Variants in TAX1BP1 observed in about 807,000 individuals in gnomAD.
TAX1BP1 encodes the protein tax1-binding protein 1.
In TAX1BP1, 62 loss-of-function variants were observed where a neutral mutation model predicts 97.7. That is an observed-to-expected ratio of 0.63 (90% confidence interval 0.52 to 0.78). TAX1BP1 has a LOEUF of 0.78. Among genes scored for constraint, TAX1BP1 ranks in the 30% least tolerant of loss-of-function variants. TAX1BP1 has a pLI of 0.00. For missense variants in TAX1BP1, 867 were observed against 916.1 expected (o/e 0.95, Z 0.69); for synonymous variants, 340 against 304.2 (o/e 1.12, Z -1.23).
At chr7:27,798,836 G>A in intron 12 of TAX1BP1, among the ~76,000 whole-genome samples, 1 of 150,140 alleles carries the variant, frequency 6.7e-6, no homozygotes, top group South Asian at 2.1e-4. Flanking sequence ...TTATCTCTTT[G>A]TGTGAGTGGT....
At position 27,792,039 on chromosome 7, in the gene TAX1BP1, A is replaced by G. The variant is rs756684022; in HGVS notation, c.1072A>G (p.Lys358Glu). 5.6e-6 allele frequency: 9 copies of G among 1,614,004 alleles called. No individual in the cohort carries two copies. The highest frequency in any genetic ancestry group is 7.6e-6 in the Non-Finnish European group (9 of 1,180,034). ...DTCFLKEQLR[K>E]AEEQVQATRQ... ...TTGTTTTTTAAAGGAGCAACTTCGT[A>G]AAGCAGAGGAACAGGTTCAGGCAAC... is the stretch of plus-strand genomic sequence containing the variant. Residue 358 changes from lysine to glutamate, a missense_variant, in exon 9 of 17, where the codon AAA becomes GAA. Lys to Glu is a moderately conservative substitution (Grantham distance 56). Transcript: ENST00000396319.
chr7:27,802,120 T>C (rs894688179), intron 13 of TAX1BP1, among the ~76,000 whole-genome samples: 2 of 152,200 alleles, frequency 1.3e-5, no homozygotes, highest in East Asian at 3.8e-4. Flanking sequence ...TGAGTATCTA[T>C]AATGGAGTAG....
chr7:27,751,970 A>G (rs1788037604), intron 2 of TAX1BP1, among the ~76,000 whole-genome samples: 1 of 152,116 alleles, frequency 6.6e-6, no homozygotes, highest in African/African-American at 2.4e-5. Flanking sequence ...CCAGTTTTAG[A>G]AGATGAATGG....
chr7:27,746,415 GTT>G (rs34156347), intron 1 of TAX1BP1, among the ~76,000 whole-genome samples: 11 of 119,572 alleles, frequency 9.2e-5, no homozygotes, highest in African/African-American at 2.7e-4. Context: ...TGGAATTGGT[GTT>G]TTTTTTTTTT....
chr7:27,803,084 T>C lies in TAX1BP1; in HGVS notation c.1764+2994T>C, dbSNP rs759294494. ...GAGGGAGTAGGTAAATGAAAAAAAA[T>C]AAAGAAATTTCTTTCTTTATTCAGC... On this transcript the variant is annotated intron_variant, in intron 13 of 16. Transcript: ENST00000396319. 41 of 1,534,652 alleles carry C rather than the reference T, an allele frequency of 2.7e-5. No individual in the cohort carries two copies. The South Asian group carries it at 4.5e-4, about 17-fold the overall frequency.
In TAX1BP1 at chr7:27,798,001, A is replaced by G. The variant is rs74757768; in HGVS notation, c.1638+1782A>G. 3.2e-3 allele frequency among the ~76,000 whole-genome samples: 494 copies of G among 152,200 alleles called. 4 individuals are homozygous for G. Among genetic ancestry groups the G allele is most frequent in the African/African-American group, 0.011 (460 of 41,512 alleles). The stretch of plus-strand genomic sequence containing the variant: ...CCAGTTTTTTTGGTACCTGTTTGCA[A>G]CACATCCCTTTCGTTATCCTTATCT... On this transcript the variant is annotated intron_variant, in intron 12 of 16. Coordinates refer to ENST00000396319, the MANE Select transcript of TAX1BP1 (RefSeq NM_006024.7).
intron 2 of TAX1BP1, among the ~76,000 whole-genome samples, chr7:27,750,640 G>C (rs1017130368): frequency 1.3e-5 from 2 of 152,218 alleles, no homozygotes; most frequent in African/African-American, 2.4e-5. Context: ...CTGAAGGACA[G>C]TGGGAAGTCT....
In TAX1BP1 at chr7:27,828,991, G is replaced by C; in HGVS notation, c.*162G>C. ...TTGAGTTTGGTGTTACTAGGATCAGGGTCAGTCTTTGGCTTATCAATAAAT... is the reference window on the plus strand; with the variant it reads ...TTGAGTTTGGTGTTACTAGGATCAGCGTCAGTCTTTGGCTTATCAATAAAT... On this transcript the variant is annotated 3_prime_UTR_variant, in exon 17 of 17. Coordinates refer to ENST00000396319, the MANE Select transcript of TAX1BP1 (RefSeq NM_006024.7). 1.8e-6 allele frequency: 1 copy of C among 561,196 alleles called. No individual in the cohort carries two copies. Among genetic ancestry groups the C allele is most frequent in the Non-Finnish European group, 3.1e-6 (1 of 326,306 alleles). The allele number at this position is 561,196 out of a possible 1,614,324, so 34.8% of individuals were successfully genotyped here.
At chr7:27,823,026 G>A (rs889232909) in intron 15 of TAX1BP1, among the ~76,000 whole-genome samples, 3 of 152,076 alleles carry the variant, frequency 2.0e-5, no homozygotes, top group African/African-American at 2.4e-5. Context: ...TGAATATGGA[G>A]CAAAGTAAAA....
chr7:27,816,829 A>G (rs1583406760), intron 14 of TAX1BP1, 61 bp from the exon 15 acceptor site: 4 of 1,579,916 alleles, frequency 2.5e-6, no homozygotes, highest in Non-Finnish European at 3.5e-6. Flanking sequence ...TCATATCTGT[A>G]TATACAGATG....
chr7:27,769,587 A>T (rs1562709864), intron 4 of TAX1BP1, 89 bp from the exon 5 acceptor site: 1 of 1,097,108 alleles, frequency 9.1e-7, no homozygotes, highest in Non-Finnish European at 1.3e-6. Flanking sequence ...TGTCTTCATT[A>T]TTTTTTTTGG....
intron 13 of TAX1BP1, among the ~76,000 whole-genome samples, chr7:27,802,238 G>A (rs1790166356): frequency 6.6e-6 from 1 of 152,176 alleles, no homozygotes; most frequent in African/African-American, 2.4e-5. Context: ...CAATCACAGC[G>A]AGTCTTTTTG....
intron 13 of TAX1BP1, among the ~76,000 whole-genome samples, chr7:27,808,337 C>T (rs1173858614): frequency 6.6e-6 from 1 of 152,190 alleles, no homozygotes; most frequent in East Asian, 1.9e-4. Flanking sequence ...AATATAACTT[C>T]CTTTTCTAAT....
At chr7:27,783,355 G>C (rs979628930) in intron 5 of TAX1BP1, among the ~76,000 whole-genome samples, 7 of 152,140 alleles carry the variant, frequency 4.6e-5, no homozygotes, top group African/African-American at 1.7e-4. Context: ...TTCATGCTAA[G>C]AACGACGGAG....
chr7:27,784,266 A>G (rs945523520), intron 5 of TAX1BP1, among the ~76,000 whole-genome samples: 1 of 152,132 alleles, frequency 6.6e-6, no homozygotes, highest in Non-Finnish European at 1.5e-5. Flanking sequence ...ATTTTATCTT[A>G]ATTTACCAAT....
chr7:27,763,252 T>A (rs971341474), intron 3 of TAX1BP1, among the ~76,000 whole-genome samples: 1 of 152,180 alleles, frequency 6.6e-6, no homozygotes, highest in Non-Finnish European at 1.5e-5. Context: ...AAATGAACCC[T>A]TATTTATTTA....
chr7:27,758,384 T>C, intron 3 of TAX1BP1: 1 of 274,758 alleles, frequency 3.6e-6, no homozygotes, highest in Non-Finnish European at 6.8e-6. Context: ...TTTTAGGTAC[T>C]AATTTTTGGA....
chr7:27,751,285 T>A (rs1215467399), intron 2 of TAX1BP1, among the ~76,000 whole-genome samples: 2 of 152,208 alleles, frequency 1.3e-5, no homozygotes, highest in Non-Finnish European at 2.9e-5. Context: ...AGTAAAGATT[T>A]CAGGTAATAC....
intron 13 of TAX1BP1, among the ~76,000 whole-genome samples, chr7:27,813,410 A>G (rs1185938846): frequency 6.7e-6 from 1 of 149,060 alleles, no homozygotes; most frequent in Admixed American, 6.7e-5. Flanking sequence ...GCTGGAGTGC[A>G]GTGGTGCCAT....
Sources: allele counts gnomAD v4.1 joint callset (sites outside exome capture counted in the v4.1 genomes callset), GRCh38; gene constraint gnomAD v4.1.1; transcripts MANE v1.5; gene names NCBI Gene and HGNC (gene_info 2026-07-23, HGNC 2026-07-21).